TERB1: variants seen among roughly 807,000 people sequenced by gnomAD.
TERB1 encodes the protein telomere repeat binding bouquet formation protein 1.
Under a neutral mutation model 92.3 loss-of-function variants are expected in TERB1, and 63 were observed. That is an observed-to-expected ratio of 0.68 (90% CI 0.56 to 0.84). The LOEUF (loss-of-function observed/expected upper bound fraction) is 0.84. TERB1 is among the 40% of genes least tolerant of loss of function. The pLI is 0.00. For missense variants in TERB1, 709 were observed against 843.7 expected (o/e 0.84, Z 1.98); for synonymous variants, 252 against 283.9 (o/e 0.89, Z 1.13).
In TERB1 at chr16:66,770,115, G is replaced by T; in HGVS notation, c.1467C>A (p.Asp489Glu). 1 of 1,552,114 alleles carries T rather than the reference G, an allele frequency of 6.4e-7. No individual in the cohort carries two copies. Among genetic ancestry groups the T allele is most frequent in the African/African-American group, 1.4e-5 (1 of 73,140 alleles). Residue 489 changes from aspartate to glutamate, a missense_variant, in exon 14 of 19, where the codon GAC becomes GAA. Transcript: ENST00000433154. Reference sequence around the variant, plus strand: ...CGCTCTTTAACGGTGTCTTCATTTGGTCATCATTTGTACATGCTTTAGACA... The same window carrying T: ...CGCTCTTTAACGGTGTCTTCATTTGTTCATCATTTGTACATGCTTTAGACA... Reference protein sequence around the residue: ...GVMSKACTNDDQMKTPLKSAN... With the variant: ...GVMSKACTNDEQMKTPLKSAN...
At position 66,779,028 on chromosome 16, in the gene TERB1, A is replaced by C. The variant is rs1008951261; in HGVS notation, c.701-13T>G. The C allele has an allele frequency of 1.4e-6, 2 of 1,467,566 alleles. No homozygotes were observed. The highest frequency in any genetic ancestry group is 2.8e-5 in the African/African-American group (2 of 71,166). The allele number at this position is 1,467,566 out of a possible 1,614,324, so 90.9% of individuals were successfully genotyped here. A position where few individuals can be genotyped will look rare whatever the true frequency, so the allele number is the denominator to read the frequency against. ...TTCTGAACATATGCTTAAAGAATAA[A>C]GTAGCAAAACTATTAATATTTCAAA... On this transcript the variant is annotated splice_polypyrimidine_tract_variant and intron_variant, in intron 9 of 18. Transcript: ENST00000433154.
intron 2 of TERB1, among the ~76,000 whole-genome samples, chr16:66,799,312 C>T (rs1162859081): frequency 6.6e-6 from 1 of 152,100 alleles, no homozygotes; most frequent in Non-Finnish European, 1.5e-5. Context: ...ACTGTAACCT[C>T]CACCTCCCGG....
At chr16:66,776,396 T>C (rs1567471893) in intron 11 of TERB1, among the ~76,000 whole-genome samples, 1 of 151,368 alleles carries the variant, frequency 6.6e-6, no homozygotes, top group African/African-American at 2.4e-5. Context: ...TCATAAGTGA[T>C]CTCAGAAACG....
In TERB1 at chr16:66,790,718, C is replaced by T; in HGVS notation, c.148G>A (p.Ala50Thr). Residue 50 changes from alanine to threonine, a missense_variant, in exon 5 of 19, where the codon GCA (alanine) becomes ACA (threonine). Transcript: ENST00000433154. ...CCAATTTCCCGAAAATAAACACTTGCATTACCTGTAGGATGTGCAGAAAAA... is the reference window on the plus strand; with the variant it reads ...CCAATTTCCCGAAAATAAACACTTGTATTACCTGTAGGATGTGCAGAAAAA... Reference protein sequence around the residue: ...IHSICQQNSNASVYFREIGGL... With the variant: ...IHSICQQNSNTSVYFREIGGL... 1 of 1,550,628 alleles carries T rather than the reference C, an allele frequency of 6.4e-7. No individual in the cohort carries two copies. The highest frequency in any genetic ancestry group is 8.7e-7 in the Non-Finnish European group (1 of 1,146,572).
At chr16:66,764,816 A>G (rs773406210) in intron 16 of TERB1, among the ~76,000 whole-genome samples, 1 of 152,210 alleles carries the variant, frequency 6.6e-6, no homozygotes, top group Non-Finnish European at 1.5e-5. Flanking sequence ...ATTTAAAAGG[A>G]AGAAAGATGC....
At chr16:66,773,273 G>A (rs1007721553) in intron 12 of TERB1, among the ~76,000 whole-genome samples, 2 of 152,128 alleles carry the variant, frequency 1.3e-5, no homozygotes, top group Non-Finnish European at 2.9e-5. Context: ...GGCACAAGCT[G>A]CAGTGAACAG....
chr16:66,793,576 A>G (rs1281632005), intron 3 of TERB1, among the ~76,000 whole-genome samples: 1 of 150,682 alleles, frequency 6.6e-6, no homozygotes, highest in African/African-American at 2.5e-5. Flanking sequence ...CAGTGGCACA[A>G]TCTTGGCTCA....
chr16:66,761,451 C>CAAAAAAA (rs376145995), intron 16 of TERB1, among the ~76,000 whole-genome samples: 1 of 107,142 alleles, frequency 9.3e-6, no homozygotes, highest in African/African-American at 3.9e-5. Context: ...GACTCTGTCT[C>CAAAAAAA]AAAAAAAAAA....
chr16:66,779,765 T>G (rs1342799753), intron 9 of TERB1, among the ~76,000 whole-genome samples: 1 of 152,226 alleles, frequency 6.6e-6, no homozygotes, highest in East Asian at 1.9e-4. Flanking sequence ...TTCCTCAGAT[T>G]GACTCCTCAA....
chr16:66,785,758 T>C (rs2018718618), intron 9 of TERB1, 28 bp downstream of exon 9: 3 of 1,499,878 alleles, frequency 2.0e-6, no homozygotes, highest in Admixed American at 2.4e-5. Context: ...TTTCTTCAAC[T>C]ATGACCTAGA....
chr16:66,764,028 G>C (rs2018296723), intron 16 of TERB1, among the ~76,000 whole-genome samples: 1 of 152,148 alleles, frequency 6.6e-6, no homozygotes, highest in Non-Finnish European at 1.5e-5. Flanking sequence ...GGGATGGGAA[G>C]GGTTGCAGGG....
chr16:66,793,174 A>G (rs1002323600), intron 3 of TERB1, among the ~76,000 whole-genome samples: 1 of 150,580 alleles, frequency 6.6e-6, no homozygotes. Flanking sequence ...TCATCAATCA[A>G]TACAGTACTT....
chr16:66,786,227 G>T lies in TERB1; in HGVS notation c.459C>A (p.Phe153Leu). 2 of 1,548,694 alleles carry T rather than the reference G, an allele frequency of 1.3e-6. No individual in the cohort carries two copies. Among genetic ancestry groups the T allele is most frequent in the South Asian group, 2.4e-5 (2 of 83,420 alleles). ...AAAAGAAATTTGTATTTGTTTACCT[G>T]AATAACCGTGACAGAACTGTAATAC... ...TGCITVLSRL[F>L]RTVISKHELD... The change falls in exon 7 of 19, where the codon TTC becomes TTA. Residue 153 changes from phenylalanine to leucine, a missense_variant and splice_region_variant. Physicochemically the swap from Phe to Leu is conservative, Grantham distance 22. Coordinates refer to ENST00000433154, the MANE Select transcript of TERB1 (RefSeq NM_001136505.2).
intron 12 of TERB1, among the ~76,000 whole-genome samples, chr16:66,774,707 G>C (rs1466938147): frequency 1.4e-5 from 2 of 141,328 alleles, no homozygotes; most frequent in African/African-American, 2.7e-5. Flanking sequence ...TTTTGAGACA[G>C]GGTCTCACTC....
At position 66,790,648 on chromosome 16, in the gene TERB1, C is replaced by T. The variant is rs1293571577; in HGVS notation, c.218G>A (p.Ser73Asn). ...ATATAAGGCTGCTTCTTTTACCATGCTATGTTCACTTGACTTTGCAAGATT... is the reference window on the plus strand; with the variant it reads ...ATATAAGGCTGCTTCTTTTACCATGTTATGTTCACTTGACTTTGCAAGATT... ...VKNLAKSSEH[S>N]MVKEAALYTL... The change falls in exon 5 of 19, where the codon AGC becomes AAC. Residue 73 changes from serine to asparagine, a missense_variant. Ser to Asn is a conservative substitution (Grantham distance 46). Transcript: ENST00000433154. 2.6e-6 allele frequency: 4 copies of T among 1,550,498 alleles called. No homozygotes were observed. Among genetic ancestry groups the T allele is most frequent in the East Asian group, 4.9e-5 (2 of 40,802 alleles).
chr16:66,764,672 A>G (rs552177338), intron 16 of TERB1, among the ~76,000 whole-genome samples: 1 of 152,364 alleles, frequency 6.6e-6, no homozygotes, highest in African/African-American at 2.4e-5. Context: ...TGTGGCAAAA[A>G]AGAACAAAAT....
At chr16:66,767,534 GATTTT>G in intron 15 of TERB1, 24 bp from the exon 16 acceptor site, 3 of 889,418 alleles carry the variant, frequency 3.4e-6, no homozygotes, top group Non-Finnish European at 5.2e-6. Flanking sequence ...CAAAATGAAG[GATTTT>G]TGGATTAATG....
intron 9 of TERB1, among the ~76,000 whole-genome samples, chr16:66,785,021 C>CT (rs76944260): frequency 0.039 from 4,579 of 118,184 alleles, 244 homozygotes; most frequent in African/African-American, 0.11. Context: ...CTGCGTCTGG[C>CT]TTTTTTTTTT....
chr16:66,772,536 A>G lies in TERB1; in HGVS notation c.1272+53T>C, dbSNP rs1049344188. On this transcript the variant is annotated intron_variant, in intron 13 of 18. Coordinates refer to ENST00000433154, the MANE Select transcript of TERB1 (RefSeq NM_001136505.2). ...AGTGTAGTATGGAGAAAAAAGAAAG[A>G]AATTTTAAAAATTTGAAAAAAGTTC... The G allele has an allele frequency of 9.6e-6, 14 of 1,462,616 alleles. No individual in the cohort carries two copies. The African/African-American group carries it at 1.7e-4, about 18-fold the overall frequency. 90.6% of individuals were successfully genotyped at this position (1,462,616 alleles called of 1,614,324 possible). A position where few individuals can be genotyped will look rare whatever the true frequency, so the allele number is the denominator to read the frequency against.
Sources: allele counts gnomAD v4.1 joint callset (sites outside exome capture counted in the v4.1 genomes callset), GRCh38; gene constraint gnomAD v4.1.1; transcripts MANE v1.5; gene names NCBI Gene and HGNC (gene_info 2026-07-23, HGNC 2026-07-21).